Variants in NET1 observed in about 807,000 individuals in gnomAD.
NET1 encodes neuroepithelial cell transforming 1, also known as neuroepithelial cell-transforming gene 1 protein.
In NET1, 42 loss-of-function variants were observed where a neutral mutation model predicts 61.1. That is an observed-to-expected ratio of 0.69 (90% CI 0.54 to 0.89). The LOEUF (loss-of-function observed/expected upper bound fraction) is 0.89. Among genes scored for constraint, NET1 ranks in the 40% least tolerant of loss-of-function variants. The pLI, the probability that NET1 is intolerant of heterozygous loss-of-function variation, is 0.00. For missense variants in NET1, 654 were observed against 747.3 expected (o/e 0.88, Z 1.46); for synonymous variants, 254 against 281.8 (o/e 0.90, Z 0.99).
rs767074065 is a variant in NET1, at chr10:5,444,177, A to T, written c.256-7653A>T. Among the ~76,000 whole-genome samples the T allele has an allele frequency of 1.3e-5, 2 of 152,218 alleles. No homozygotes were observed. The highest frequency in any genetic ancestry group is 2.9e-5 in the Non-Finnish European group (2 of 68,042). ...CTACAGTCATCCACTCTTAAGGCCA[A>T]CCACATCACACATACTGCCCAGGAC... On this transcript the variant is annotated intron_variant, in intron 3 of 11. Coordinates refer to ENST00000355029, the MANE Select transcript of NET1 (RefSeq NM_001047160.3). This position sits in a 1 kb window ranked among gnomAD's most constrained non-coding sequence, Gnocchi z 5.3.
chr10:5,433,616 C>G (rs1832381785), intron 3 of NET1, among the ~76,000 whole-genome samples: 1 of 152,164 alleles, frequency 6.6e-6, no homozygotes, highest in African/African-American at 2.4e-5. Context: ...CCTTTTCTTT[C>G]ATTGAGTATA....
At position 5,453,545 on chromosome 10, in the gene NET1, C is replaced by T. The variant is rs1481310170; in HGVS notation, c.753C>T (p.His251=). The part of the protein sequence containing the change: ...KPDGTVEQIG[H]ILVSWLPRLN... Reference sequence around the variant, plus strand: ...ATGGAACAGTGGAGCAGATTGGTCACATTCTCGTGAGCTGGGTATGTAGTG... The same window carrying T: ...ATGGAACAGTGGAGCAGATTGGTCATATTCTCGTGAGCTGGGTATGTAGTG... Residue 251 remains histidine, a synonymous_variant, in exon 8 of 12, where the codon CAC becomes CAT. Coordinates refer to ENST00000355029, the MANE Select transcript of NET1 (RefSeq NM_001047160.3). The surrounding 1 kb of genome is among the most constrained non-coding windows in gnomAD (Gnocchi z 4.9). 20 of 1,614,000 alleles carry T rather than the reference C, an allele frequency of 1.2e-5. No homozygotes were observed. The highest frequency in any genetic ancestry group is 1.7e-5 in the Non-Finnish European group (20 of 1,179,996).
chr10:5,414,123 A>G (rs1832043537), intron 1 of NET1, among the ~76,000 whole-genome samples: 1 of 152,190 alleles, frequency 6.6e-6, no homozygotes, highest in African/African-American at 2.4e-5. Context: ...AGTTCTGGGT[A>G]TATATTCTAT....
intron 3 of NET1, among the ~76,000 whole-genome samples, chr10:5,434,536 C>T (rs1588430321): frequency 6.6e-6 from 1 of 152,108 alleles, no homozygotes; most frequent in African/African-American, 2.4e-5. Flanking sequence ...TTCTCCTGTT[C>T]CCAGGGCCAT....
rs767299959 is a variant in NET1 at position 5,428,038 on chromosome 10, C to CCTTTTTTTTT, written c.196-1132_196-1131insCTTTTTTTTT. ...CACTTCTATCTGGACTTTGCCGTTC[C>CCTTTTTTTTT]TTTTTTTTTTTTTTTTTTTTTTTTT... On this transcript the variant is annotated intron_variant, in intron 2 of 11. Coordinates refer to ENST00000355029, the MANE Select transcript of NET1 (RefSeq NM_001047160.3). Among the ~76,000 whole-genome samples the CCTTTTTTTTT allele has an allele frequency of 1.8e-5, 2 of 113,904 alleles. 1 individual carries two copies. The highest frequency in any genetic ancestry group is 3.6e-5 in the Non-Finnish European group (2 of 56,156). The allele number at this position is 113,904 out of a possible 152,430, so 74.7% of individuals were successfully genotyped here.
In NET1 at chr10:5,417,564, G is replaced by GTTTT. The variant is rs1175731753; in HGVS notation, c.128+4747_128+4750dup. ...CTTGCTGAGCTCATTAGTTCTAATA[G>GTTTT]TTTTTTAGTGGTTTCTTTAGGACTT... On this transcript the variant is annotated intron_variant, in intron 1 of 11. Transcript: ENST00000355029. This position sits in a 1 kb window ranked among gnomAD's most constrained non-coding sequence, Gnocchi z 5.5. Among the ~76,000 whole-genome samples, 1 of 152,184 alleles carries GTTTT rather than the reference G, an allele frequency of 6.6e-6. No homozygotes were observed. The highest frequency in any genetic ancestry group is 1.5e-5 in the Non-Finnish European group (1 of 68,018).
At position 5,435,286 on chromosome 10, in the gene NET1, C is replaced by T. The variant is rs1331463480; in HGVS notation, c.255+6057C>T. 1.3e-5 allele frequency among the ~76,000 whole-genome samples: 2 copies of T among 152,164 alleles called. No individual in the cohort carries two copies. Among genetic ancestry groups the T allele is most frequent in the Admixed American group, 6.5e-5 (1 of 15,278 alleles). Reference sequence around the variant, plus strand: ...TATTTTTTAAAGATACCAGGTGATTCTCATGTATAGCTAGAGTTAAAAACT... The same window carrying T: ...TATTTTTTAAAGATACCAGGTGATTTTCATGTATAGCTAGAGTTAAAAACT... On this transcript the variant is annotated intron_variant, in intron 3 of 11. Transcript: ENST00000355029. This position sits in a 1 kb window ranked among gnomAD's most constrained non-coding sequence, Gnocchi z 5.0.
chr10:5,428,805 C>T (rs2119177850), intron 2 of NET1, among the ~76,000 whole-genome samples: 1 of 151,672 alleles, frequency 6.6e-6, no homozygotes, highest in Non-Finnish European at 1.5e-5. Flanking sequence ...TCACTGCAGC[C>T]TCTGCCTCCC....
rs1832490620 is a variant in NET1, at chr10:5,439,497, A to T, written c.255+10268A>T. ...TCTTCCTTAAGCCAATCACAAATGG[A>T]CCATTTCCTTTGTATAACAGATGGC... On this transcript the variant is annotated intron_variant, in intron 3 of 11. Coordinates refer to ENST00000355029, the MANE Select transcript of NET1 (RefSeq NM_001047160.3). The surrounding 1 kb of genome is among the most constrained non-coding windows in gnomAD (Gnocchi z 4.8). 6.6e-6 allele frequency among the ~76,000 whole-genome samples: 1 copy of T among 152,110 alleles called. No homozygotes were observed. Among genetic ancestry groups the T allele is most frequent in the Admixed American group, 6.5e-5 (1 of 15,272 alleles).
intron 3 of NET1, among the ~76,000 whole-genome samples, chr10:5,445,363 T>C (rs777121042): frequency 3.3e-5 from 5 of 152,244 alleles, no homozygotes; most frequent in Non-Finnish European, 7.3e-5. Context: ...GTAGCACTTA[T>C]TAGCTACACA....
At chr10:5,418,679 A>G (rs1374402297) in intron 1 of NET1, among the ~76,000 whole-genome samples, 1 of 152,078 alleles carries the variant, frequency 6.6e-6, no homozygotes, top group Admixed American at 6.6e-5. Context: ...CTTCCTGCTT[A>G]GTAATCTGAG....
At position 5,447,702 on chromosome 10, in the gene NET1, C is replaced by T. The variant is rs1489598557; in HGVS notation, c.256-4128C>T. On this transcript the variant is annotated intron_variant, in intron 3 of 11. Coordinates refer to ENST00000355029, the MANE Select transcript of NET1 (RefSeq NM_001047160.3). The surrounding 1 kb of genome is among the most constrained non-coding windows in gnomAD (Gnocchi z 4.1). ...CTTGTCATGTGTACACATACACACA[C>T]CTTTTGGTAGTTAAAATAGCTGCCG... Among the ~76,000 whole-genome samples the T allele has an allele frequency of 6.6e-6, 1 of 152,184 alleles. No individual in the cohort carries two copies. Among genetic ancestry groups the T allele is most frequent in the Non-Finnish European group, 1.5e-5 (1 of 68,040 alleles).
chr10:5,430,265 A>G lies in NET1; in HGVS notation c.255+1036A>G, dbSNP rs191687440. On this transcript the variant is annotated intron_variant, in intron 3 of 11. Transcript: ENST00000355029. Reference sequence around the variant, plus strand: ...GCCACAGTAAAATACGTGGTCTTCAACTAAGCTTTAGCAGTTATCAATATA... The same window carrying G: ...GCCACAGTAAAATACGTGGTCTTCAGCTAAGCTTTAGCAGTTATCAATATA... Among the ~76,000 whole-genome samples the G allele has an allele frequency of 7.9e-4, 120 of 152,362 alleles. 2 individuals carry two copies. In the East Asian group the frequency reaches 0.02, roughly 25 times the overall value.
intron 1 of NET1, among the ~76,000 whole-genome samples, chr10:5,418,552 A>G (rs899393102): frequency 7.9e-5 from 12 of 152,194 alleles, no homozygotes; most frequent in South Asian, 2.1e-4. Context: ...ATGATGGTCA[A>G]TCTAGCTACA....
At position 5,440,497 on chromosome 10, in the gene NET1, C is replaced by T. The variant is rs1832507309; in HGVS notation, c.255+11268C>T. ...GTCCACCTCATTATTGTAAGAGGCA[C>T]TCAGATAAACAGAATGAGGATCTAG... On this transcript the variant is annotated intron_variant, in intron 3 of 11. Coordinates refer to ENST00000355029, the MANE Select transcript of NET1 (RefSeq NM_001047160.3). This position sits in a 1 kb window ranked among gnomAD's most constrained non-coding sequence, Gnocchi z 4.1. 6.6e-6 allele frequency among the ~76,000 whole-genome samples: 1 copy of T among 152,188 alleles called. No individual in the cohort carries two copies. The highest frequency in any genetic ancestry group is 2.4e-5 in the African/African-American group (1 of 41,440).
Position 5,454,261 on chromosome 10 carries a change from T to C in NET1, c.769-4T>C, listed in dbSNP as rs751846333. 6.2e-7 allele frequency: 1 copy of C among 1,609,220 alleles called. No homozygotes were observed. Among genetic ancestry groups the C allele is most frequent in the Non-Finnish European group, 8.5e-7 (1 of 1,178,518 alleles). On this transcript the variant is annotated splice_polypyrimidine_tract_variant and splice_region_variant and intron_variant, in intron 8 of 11. Coordinates refer to ENST00000355029, the MANE Select transcript of NET1 (RefSeq NM_001047160.3). The surrounding 1 kb of genome is among the most constrained non-coding windows in gnomAD (Gnocchi z 8.1). ...ATCATACCTTTTCTTTTATTACTCTTCAGTTACCGCGCTTGAATGCCTACA... is the reference window on the plus strand; with the variant it reads ...ATCATACCTTTTCTTTTATTACTCTCCAGTTACCGCGCTTGAATGCCTACA...
chr10:5,451,992 A>T lies in NET1; in HGVS notation c.363+55A>T, dbSNP rs1280005896. 7.4e-7 allele frequency: 1 copy of T among 1,342,996 alleles called. No individual in the cohort carries two copies. Among genetic ancestry groups the T allele is most frequent in the Non-Finnish European group, 1.1e-6 (1 of 946,632 alleles). 83.2% of individuals were successfully genotyped at this position (1,342,996 alleles called of 1,614,324 possible). On this transcript the variant is annotated intron_variant, in intron 4 of 11. Coordinates refer to ENST00000355029, the MANE Select transcript of NET1 (RefSeq NM_001047160.3). The surrounding 1 kb of genome is among the most constrained non-coding windows in gnomAD (Gnocchi z 6.1). Reference sequence around the variant, plus strand: ...TCAGCGGACTTTATAGAAGCCTGGAATTTGTAGTTGTCTTTGAGCTGTACA... The same window carrying T: ...TCAGCGGACTTTATAGAAGCCTGGATTTTGTAGTTGTCTTTGAGCTGTACA...
chr10:5,427,864 A>G lies in NET1; in HGVS notation c.195+1143A>G, dbSNP rs373670701. Among the ~76,000 whole-genome samples the G allele has an allele frequency of 5.9e-5, 9 of 152,084 alleles. No homozygotes were observed. The highest frequency in any genetic ancestry group is 1.3e-4 in the Admixed American group (2 of 15,266). The stretch of plus-strand genomic sequence containing the variant: ...TGATATTGTGTAGAATTTGACTTTG[A>G]GAATTTTCTGTTCATTTTAGTGTGA... On this transcript the variant is annotated intron_variant, in intron 2 of 11. Coordinates refer to ENST00000355029, the MANE Select transcript of NET1 (RefSeq NM_001047160.3). This position sits in a 1 kb window ranked among gnomAD's most constrained non-coding sequence, Gnocchi z 4.1.
chr10:5,430,669 T>A (rs1832334412), intron 3 of NET1, among the ~76,000 whole-genome samples: 1 of 152,058 alleles, frequency 6.6e-6, no homozygotes, highest in Non-Finnish European at 1.5e-5. Context: ...GATAAGAACT[T>A]TTTAAAAACA....
Sources: gnomAD v4.1 joint callset for allele counts (sites outside exome capture counted in the v4.1 genomes callset) on GRCh38, gnomAD v4.1.1 for gene constraint, Gnocchi (gnomAD v3.1) non-coding constraint, MANE v1.5 for transcripts, NCBI Gene and HGNC (gene_info 2026-07-23, HGNC 2026-07-21) for gene names.